Variants in COL4A2 observed in about 807,000 individuals in gnomAD.
COL4A2 encodes collagen alpha-2(IV) chain.
A neutral mutation model predicts 200.2 loss-of-function variants in COL4A2; 99 were observed. The ratio of observed to expected loss-of-function variants is 0.49; its 90% CI spans 0.42 to 0.58. The LOEUF is 0.58. COL4A2 is among the 20% of genes least tolerant of loss of function. COL4A2 has a pLI of 0.00. For missense variants in COL4A2, 1,950 were observed against 2,314.1 expected (o/e 0.84, Z 3.23); for synonymous variants, 897 against 900.6 (o/e 1.00, Z 0.07).
chr13:110,479,744 C>T (rs1882830602), intron 30 of COL4A2, among the ~76,000 whole-genome samples: 1 of 152,152 alleles, frequency 6.6e-6, no homozygotes, highest in Non-Finnish European at 1.5e-5. Context: ...CTGCCAAGCT[C>T]ACGACAGTAG....
chr13:110,393,852 C>T (rs1879086960), intron 4 of COL4A2, among the ~76,000 whole-genome samples: 1 of 152,152 alleles, frequency 6.6e-6, no homozygotes, highest in African/African-American at 2.4e-5. Context: ...GCACTCCAGC[C>T]TGGGCAAGGG....
At chr13:110,384,363 C>A (rs1878601792) in intron 4 of COL4A2, among the ~76,000 whole-genome samples, 1 of 152,190 alleles carries the variant, frequency 6.6e-6, no homozygotes, top group Non-Finnish European at 1.5e-5. Context: ...CTCTAAAACC[C>A]TCCTTAAGTA....
chr13:110,322,047 G>A (rs148420469), intron 3 of COL4A2, among the ~76,000 whole-genome samples: 1 of 152,346 alleles, frequency 6.6e-6, no homozygotes, highest in Non-Finnish European at 1.5e-5. Context: ...TTAAGCCCCA[G>A]TAACAGTGCT....
At chr13:110,374,262 T>C (rs747318610) in intron 4 of COL4A2, among the ~76,000 whole-genome samples, 26 of 152,132 alleles carry the variant, frequency 1.7e-4, no homozygotes, top group Non-Finnish European at 3.2e-4. Context: ...AGGAAATTAA[T>C]TGAAGAACAA....
intron 22 of COL4A2, chr13:110,459,875 A>ATT (rs35017585): frequency 6.6e-6 from 1 of 151,826 alleles, no homozygotes; most frequent in Non-Finnish European, 1.5e-5. Context: ...AGACCTTTTG[A>ATT]TTTTTAAACT....
rs142513140 is a variant in COL4A2, at chr13:110,328,062, T to A, written c.99+19939T>A. On this transcript the variant is annotated intron_variant, in intron 3 of 47. Transcript: ENST00000360467. ...CAACCTAGACTAATCACTCTGACTT[T>A]GCAGTAAACTGTAGGCAAGAAGGAG... is the stretch of plus-strand genomic sequence containing the variant. Among the ~76,000 whole-genome samples the A allele has an allele frequency of 1.1e-3, 165 of 152,340 alleles. 1 individual carries two copies. The highest frequency in any genetic ancestry group is 2.0e-3 in the Non-Finnish European group (139 of 68,026).
At chr13:110,334,158 T>G (rs866422299) in intron 3 of COL4A2, among the ~76,000 whole-genome samples, 2 of 152,252 alleles carry the variant, frequency 1.3e-5, no homozygotes, top group African/African-American at 2.4e-5. Context: ...ATGTACAATA[T>G]GACGCACAGT....
intron 32 of COL4A2, among the ~76,000 whole-genome samples, chr13:110,483,774 G>C (rs1883016446): frequency 6.7e-6 from 1 of 148,912 alleles, no homozygotes; most frequent in Non-Finnish European, 1.5e-5. Context: ...GGGAGAATTA[G>C]GGCATGGCTG....
At chr13:110,453,539 C>T (rs560763628) in intron 20 of COL4A2, among the ~76,000 whole-genome samples, 6 of 152,252 alleles carry the variant, frequency 3.9e-5, no homozygotes, top group East Asian at 1.9e-4. Context: ...CTTTAAAGAA[C>T]GGTGATCAAA....
chr13:110,503,733 A>G, intron 43 of COL4A2, 114 bp from the exon 44 acceptor site: 2 of 1,308,208 alleles, frequency 1.5e-6, no homozygotes, highest in South Asian at 2.6e-5. Context: ...TAGAAAGCAC[A>G]GTTGTCTGGG....
At chr13:110,379,001 C>T (rs1372652709) in intron 4 of COL4A2, among the ~76,000 whole-genome samples, 1 of 152,100 alleles carries the variant, frequency 6.6e-6, no homozygotes, top group Non-Finnish European at 1.5e-5. Flanking sequence ...GGCATTTGGG[C>T]CCCGTTTGTA....
rs115306173 is a variant in COL4A2, at chr13:110,437,642, C to T, written c.826-360C>T. ...GAGGGCCTCCTAGTAATGTTTTCTT[C>T]CGAAGAGTATTTTCATTAAGGCTTT... On this transcript the variant is annotated intron_variant, in intron 13 of 47. Transcript: ENST00000360467. Among the ~76,000 whole-genome samples the T allele has an allele frequency of 3.7e-3, 561 of 152,262 alleles. 2 individuals are homozygous for T. The highest frequency in any genetic ancestry group is 0.013 in the African/African-American group (538 of 41,536).
intron 3 of COL4A2, among the ~76,000 whole-genome samples, chr13:110,308,617 G>T (rs1884878129): frequency 6.6e-6 from 1 of 152,150 alleles, no homozygotes; most frequent in Non-Finnish European, 1.5e-5. Context: ...AGTATTGTTT[G>T]AATTGAAGCA....
chr13:110,363,225 G>T (rs1369337423), intron 4 of COL4A2, among the ~76,000 whole-genome samples: 3 of 152,178 alleles, frequency 2.0e-5, no homozygotes, highest in African/African-American at 7.2e-5. Context: ...CCTGTGGCCT[G>T]GCAGCTGCAG....
chr13:110,444,564 T>C (rs1881253948), intron 16 of COL4A2, among the ~76,000 whole-genome samples: 1 of 152,172 alleles, frequency 6.6e-6, no homozygotes, highest in Non-Finnish European at 1.5e-5. Flanking sequence ...ACACACAAAG[T>C]GAAGCCCGTC....
intron 28 of COL4A2, among the ~76,000 whole-genome samples, chr13:110,469,816 G>A (rs1368577347): frequency 6.6e-6 from 1 of 152,098 alleles, no homozygotes; most frequent in East Asian, 1.9e-4. Flanking sequence ...AATGCAGCCA[G>A]GCGTCTGCAG....
At chr13:110,357,813 A>G (rs947275955) in intron 4 of COL4A2, among the ~76,000 whole-genome samples, 4 of 152,212 alleles carry the variant, frequency 2.6e-5, no homozygotes, top group Non-Finnish European at 5.9e-5. Context: ...CAGAAAAGGT[A>G]CAGTAAAAAG....
intron 3 of COL4A2, among the ~76,000 whole-genome samples, chr13:110,335,004 A>T (rs995627179): frequency 6.6e-6 from 1 of 152,114 alleles, no homozygotes; most frequent in Non-Finnish European, 1.5e-5. Flanking sequence ...GACCTCAACT[A>T]TCTCTCTGTC....
Position 110,512,420 on chromosome 13 carries a change from G to T in COL4A2, c.*229G>T, listed in dbSNP as rs1884120179. 2 of 674,478 alleles carry T rather than the reference G, an allele frequency of 3.0e-6. No homozygotes were observed. Among genetic ancestry groups the T allele is most frequent in the East Asian group, 2.8e-5 (1 of 35,542 alleles). 41.8% of individuals were successfully genotyped at this position (674,478 alleles called of 1,614,324 possible). A position where few individuals can be genotyped will look rare whatever the true frequency, so the allele number is the denominator to read the frequency against. ...CCACAGAAAGCCAGGAGCAGCCCTG[G>T]CCCCCATCAGCCCTGCTAGACGCAC... On this transcript the variant is annotated 3_prime_UTR_variant, in exon 48 of 48. Transcript: ENST00000360467.
Sources: allele counts gnomAD v4.1 joint callset (sites outside exome capture counted in the v4.1 genomes callset), GRCh38; gene constraint gnomAD v4.1.1; transcripts MANE v1.5; gene names NCBI Gene and HGNC (gene_info 2026-07-23, HGNC 2026-07-21).